The following MDGA2 variants were observed in gnomAD, a reference collection of about 807,000 sequenced individuals.
The protein encoded by MDGA2 is MAM domain containing glycosylphosphatidylinositol anchor 2.
A neutral mutation model predicts 117.8 loss-of-function variants in MDGA2; 40 were observed. That is an observed-to-expected ratio of 0.34 (90% CI 0.26 to 0.44). MDGA2 has a LOEUF of 0.44. MDGA2 is among the 20% of genes least tolerant of loss of function. The pLI is 1.00. For missense variants in MDGA2, 1,123 were observed against 1,250.6 expected (o/e 0.90, Z 1.54); for synonymous variants, 452 against 439.0 (o/e 1.03, Z -0.37).
At chr14:47,428,403 TATC>T (rs1209800142) in intron 1 of MDGA2, among the ~76,000 whole-genome samples, 1 of 152,144 alleles carries the variant, frequency 6.6e-6, no homozygotes, top group Admixed American at 6.6e-5. Context: ...TATAGTGAGT[TATC>T]ATTCAATCTC....
intron 4 of MDGA2, among the ~76,000 whole-genome samples, chr14:47,138,397 T>G (rs1882559315): frequency 6.6e-6 from 1 of 152,100 alleles, no homozygotes; most frequent in South Asian, 2.1e-4. Flanking sequence ...AATTAGATGG[T>G]ATAATTACAA....
intron 7 of MDGA2, among the ~76,000 whole-genome samples, chr14:47,057,109 A>T (rs955517405): frequency 1.3e-5 from 2 of 152,132 alleles, no homozygotes; most frequent in African/African-American, 2.4e-5. Context: ...AGTAAAAACA[A>T]TAATTATCAC....
chr14:46,912,878 G>A (rs1182462385), intron 10 of MDGA2, among the ~76,000 whole-genome samples: 2 of 152,130 alleles, frequency 1.3e-5, no homozygotes, highest in Non-Finnish European at 2.9e-5. Flanking sequence ...TAGGAATGAA[G>A]CAGATATATG....
chr14:47,646,427 T>A (rs1897536638), intron 1 of MDGA2, among the ~76,000 whole-genome samples: 1 of 152,114 alleles, frequency 6.6e-6, no homozygotes, highest in Admixed American at 6.6e-5. Flanking sequence ...TCAGTTTAAA[T>A]TTTACTTCTG....
intron 3 of MDGA2, among the ~76,000 whole-genome samples, chr14:47,197,458 A>G (rs987673089): frequency 2.0e-5 from 3 of 151,954 alleles, no homozygotes; most frequent in African/African-American, 7.3e-5. Context: ...CCTGATCTGG[A>G]TTTCCCAGAC....
At chr14:47,387,624 C>T (rs918762499) in intron 1 of MDGA2, among the ~76,000 whole-genome samples, 1 of 152,228 alleles carries the variant, frequency 6.6e-6, no homozygotes, top group East Asian at 1.9e-4. Flanking sequence ...AACCAAGATA[C>T]TCAATTGTTT....
At chr14:47,129,131 C>T (rs960082169) in intron 5 of MDGA2, among the ~76,000 whole-genome samples, 3 of 150,962 alleles carry the variant, frequency 2.0e-5, no homozygotes, top group Admixed American at 2.0e-4. Flanking sequence ...TTTTAGGGTA[C>T]ATGTGCACAA....
At position 46,877,503 on chromosome 14, in the gene MDGA2, A is replaced by T; in HGVS notation, c.2423T>A (p.Val808Glu). 6.6e-7 allele frequency: 1 copy of T among 1,512,438 alleles called. No homozygotes were observed. Among genetic ancestry groups the T allele is most frequent in the Non-Finnish European group, 9.1e-7 (1 of 1,104,520 alleles). The allele number at this position is 1,512,438 out of a possible 1,614,324, so 93.7% of individuals were successfully genotyped here. The change falls in exon 12 of 17, where the codon GTA becomes GAA. Residue 808 changes from valine (V) to glutamate (E), a missense_variant. Coordinates refer to ENST00000399232, the MANE Select transcript of MDGA2 (RefSeq NM_001113498.3). ...AATATACTTACTCAAATGAGGATTT[A>T]CAGGAGCTACAAGAAAAGCAAAAGA... The part of the protein sequence containing the change: ...TIRVIKYSAP[V>E]NPHLREFHCG...
intron 6 of MDGA2, among the ~76,000 whole-genome samples, chr14:47,086,008 A>G (rs531487605): frequency 3.3e-5 from 5 of 152,126 alleles, no homozygotes; most frequent in African/African-American, 1.2e-4. Flanking sequence ...ACTGAAATAT[A>G]ATTTACATAC....
chr14:47,356,679 T>A (rs150695860), intron 1 of MDGA2, among the ~76,000 whole-genome samples: 1 of 152,250 alleles, frequency 6.6e-6, no homozygotes, highest in African/African-American at 2.4e-5. Flanking sequence ...AAGGGCAATG[T>A]CACCATGAAA....
At chr14:46,919,172 G>A (rs1334028121) in intron 10 of MDGA2, among the ~76,000 whole-genome samples, 1 of 152,096 alleles carries the variant, frequency 6.6e-6, no homozygotes, top group Non-Finnish European at 1.5e-5. Context: ...AGTCTTACTC[G>A]ATGAAAATTT....
chr14:46,971,231 A>C (rs1393447939), intron 8 of MDGA2, among the ~76,000 whole-genome samples: 2 of 152,162 alleles, frequency 1.3e-5, no homozygotes, highest in Non-Finnish European at 2.9e-5. Context: ...AGGAAAAGAA[A>C]TGTATATATC....
intron 1 of MDGA2, among the ~76,000 whole-genome samples, chr14:47,657,076 A>T (rs1016440099): frequency 3.3e-5 from 5 of 152,086 alleles, no homozygotes; most frequent in African/African-American, 1.2e-4. Flanking sequence ...AGTATCACAT[A>T]TGTCAGTGAA....
chr14:47,111,660 C>A (rs12323507), intron 5 of MDGA2, among the ~76,000 whole-genome samples: 41,791 of 151,934 alleles, frequency 0.28, 6,266 homozygotes, highest in South Asian at 0.47. Flanking sequence ...GATTTAAATT[C>A]TCAGAATCTA....
intron 1 of MDGA2, among the ~76,000 whole-genome samples, chr14:47,383,016 A>T (rs1370771714): frequency 6.6e-6 from 1 of 152,240 alleles, no homozygotes; most frequent in East Asian, 1.9e-4. Flanking sequence ...AGGAAATACT[A>T]TGCAGCCATA....
At chr14:47,554,730 C>T (rs1039416971) in intron 1 of MDGA2, among the ~76,000 whole-genome samples, 3 of 152,110 alleles carry the variant, frequency 2.0e-5, no homozygotes, top group African/African-American at 7.2e-5. Flanking sequence ...TACCTCTAAA[C>T]TTTGGTTACA....
chr14:47,119,506 G>A (rs1881540106), intron 5 of MDGA2, among the ~76,000 whole-genome samples: 1 of 152,100 alleles, frequency 6.6e-6, no homozygotes, highest in Non-Finnish European at 1.5e-5. Flanking sequence ...TCCTTAAAAT[G>A]TAATATAATG....
intron 1 of MDGA2, among the ~76,000 whole-genome samples, chr14:47,476,998 C>A (rs192125452): frequency 2.2e-4 from 34 of 152,096 alleles, no homozygotes; most frequent in African/African-American, 8.2e-4. Context: ...CCCGTCTCTA[C>A]TAAAACTGCA....
intron 1 of MDGA2, among the ~76,000 whole-genome samples, chr14:47,334,308 A>G (rs1890378671): frequency 6.6e-6 from 1 of 151,850 alleles, no homozygotes; most frequent in Admixed American, 6.6e-5. Context: ...ATTATTAAAA[A>G]TCCTTTTCGT....
Sources: allele counts gnomAD v4.1 joint callset (sites outside exome capture counted in the v4.1 genomes callset), GRCh38; gene constraint gnomAD v4.1.1; transcripts MANE v1.5; gene names NCBI Gene and HGNC (gene_info 2026-07-23, HGNC 2026-07-21).